The following AOAH variants were observed in gnomAD, a reference collection of about 807,000 sequenced individuals.
AOAH encodes acyloxyacyl hydrolase.
A neutral mutation model predicts 92.2 loss-of-function variants in AOAH; 64 were observed. That is an observed-to-expected ratio of 0.69 (90% CI 0.57 to 0.86). The LOEUF (loss-of-function observed/expected upper bound fraction) is 0.86, where lower values mean the gene tolerates loss of function less well. Among genes scored for constraint, AOAH ranks in the 40% least tolerant of loss-of-function variants. The pLI, the probability that AOAH is intolerant of heterozygous loss-of-function variation, is 0.00. For synonymous variants in AOAH, 263 were observed against 254.5 expected (o/e 1.03, Z -0.32); for missense variants, 656 against 694.6 (o/e 0.94, Z 0.62).
chr7:36,696,290 A>G (rs1261608007), intron 1 of AOAH, among the ~76,000 whole-genome samples: 1 of 152,166 alleles, frequency 6.6e-6, no homozygotes, highest in Non-Finnish European at 1.5e-5. Flanking sequence ...TTTTAGAATC[A>G]GTTTTCCAAT....
At chr7:36,658,685 A>G (rs1376138484) in intron 4 of AOAH, among the ~76,000 whole-genome samples, 2 of 152,198 alleles carry the variant, frequency 1.3e-5, no homozygotes, top group Admixed American at 1.3e-4. Flanking sequence ...GACTTCCCAC[A>G]ATAAACCACT....
intron 2 of AOAH, among the ~76,000 whole-genome samples, chr7:36,675,994 A>G (rs185319792): frequency 9.2e-4 from 140 of 152,360 alleles, no homozygotes; most frequent in African/African-American, 3.2e-3. Context: ...GTTATCTACA[A>G]AAAACCTGAC....
intron 18 of AOAH, among the ~76,000 whole-genome samples, chr7:36,531,343 CTGTT>C (rs1446941088): frequency 1.3e-5 from 2 of 151,960 alleles, no homozygotes; most frequent in East Asian, 1.9e-4. Flanking sequence ...AGTCTTTTGT[CTGTT>C]TGTTCATTTT....
intron 1 of AOAH, among the ~76,000 whole-genome samples, chr7:36,720,013 C>T (rs1799516907): frequency 6.6e-6 from 1 of 151,904 alleles, no homozygotes; most frequent in Admixed American, 6.6e-5. Flanking sequence ...TCACCTTTTG[C>T]TCAGAAAAGT....
At chr7:36,671,444 G>C (rs1432807405) in intron 3 of AOAH, among the ~76,000 whole-genome samples, 1 of 152,122 alleles carries the variant, frequency 6.6e-6, no homozygotes, top group African/African-American at 2.4e-5. Flanking sequence ...CCCTCAAACT[G>C]TTTTCCATCT....
At chr7:36,538,976 C>A (rs1785250693) in intron 16 of AOAH, among the ~76,000 whole-genome samples, 1 of 152,174 alleles carries the variant, frequency 6.6e-6, no homozygotes, top group Admixed American at 6.5e-5. Flanking sequence ...CCTTTGAGAG[C>A]TAGCTAAAGG....
At chr7:36,650,044 G>A (rs977639917) in intron 4 of AOAH, among the ~76,000 whole-genome samples, 8 of 152,142 alleles carry the variant, frequency 5.3e-5, no homozygotes, top group African/African-American at 1.9e-4. Flanking sequence ...AATCCGTGAG[G>A]CCAAGAACCC....
Position 36,592,977 on chromosome 7 carries a change from C to T in AOAH, c.938+1362G>A, listed in dbSNP as rs372919572. On this transcript the variant is annotated intron_variant, in intron 12 of 20. Transcript: ENST00000617537. ...GATTATTTCTATGTAAATATGAGTACGCTTCCCTGAAGGTTAGTTCCCTTC... is the reference window on the plus strand; with the variant it reads ...GATTATTTCTATGTAAATATGAGTATGCTTCCCTGAAGGTTAGTTCCCTTC... Among the ~76,000 whole-genome samples, 11 of 152,010 alleles carry T rather than the reference C, an allele frequency of 7.2e-5. No individual in the cohort carries two copies. The South Asian group carries it at 1.0e-3, about 14-fold the overall frequency.
intron 3 of AOAH, among the ~76,000 whole-genome samples, chr7:36,663,374 G>C (rs1795334358): frequency 1.3e-5 from 2 of 152,030 alleles, no homozygotes; most frequent in African/African-American, 4.8e-5. Context: ...ATACTCTATG[G>C]GTTTGGACAA....
intron 4 of AOAH, among the ~76,000 whole-genome samples, chr7:36,645,453 A>G (rs1373237460): frequency 6.6e-6 from 1 of 152,218 alleles, no homozygotes; most frequent in Non-Finnish European, 1.5e-5. Flanking sequence ...TAACTAAGAC[A>G]GGCAGATCAG....
chr7:36,722,006 C>T (rs1033531649), intron 1 of AOAH, among the ~76,000 whole-genome samples: 1 of 152,130 alleles, frequency 6.6e-6, no homozygotes, highest in South Asian at 2.1e-4. Flanking sequence ...TGATGGCACT[C>T]CCAGATGAGC....
intron 15 of AOAH, among the ~76,000 whole-genome samples, chr7:36,544,254 T>A (rs1284583709): frequency 6.6e-6 from 1 of 152,016 alleles, no homozygotes; most frequent in African/African-American, 2.4e-5. Context: ...CCCCTGAAAA[T>A]TTTTCAATGC....
At chr7:36,673,048 A>T (rs953437130) in intron 3 of AOAH, among the ~76,000 whole-genome samples, 5 of 152,128 alleles carry the variant, frequency 3.3e-5, no homozygotes, top group Non-Finnish European at 7.4e-5. Flanking sequence ...AATAAAGGGG[A>T]GGGACCATAG....
intron 12 of AOAH, among the ~76,000 whole-genome samples, chr7:36,588,469 T>C (rs1323270229): frequency 1.3e-5 from 2 of 152,256 alleles, no homozygotes; most frequent in Admixed American, 1.3e-4. Flanking sequence ...AATTATTTGT[T>C]TTGCAAAGTA....
At chr7:36,573,848 A>G (rs1788311375) in intron 13 of AOAH, among the ~76,000 whole-genome samples, 1 of 152,178 alleles carries the variant, frequency 6.6e-6, no homozygotes. Flanking sequence ...TTACTACCCA[A>G]TTTTTAAGAA....
intron 13 of AOAH, among the ~76,000 whole-genome samples, chr7:36,556,899 C>T (rs1422828083): frequency 1.3e-5 from 2 of 151,346 alleles, no homozygotes; most frequent in South Asian, 4.2e-4. Context: ...AGATGGGTTT[C>T]CTGAATACAG....
chr7:36,717,000 AT>A (rs1799236140), intron 1 of AOAH, among the ~76,000 whole-genome samples: 5 of 151,476 alleles, frequency 3.3e-5, no homozygotes, highest in Admixed American at 6.6e-5. Flanking sequence ...AAATAAATAA[AT>A]AAATAAATAA....
intron 12 of AOAH, among the ~76,000 whole-genome samples, chr7:36,587,509 G>C (rs1202998902): frequency 6.6e-6 from 1 of 152,046 alleles, no homozygotes; most frequent in Admixed American, 6.5e-5. Flanking sequence ...GCATTGGCCT[G>C]TCTTGCACTT....
intron 2 of AOAH, among the ~76,000 whole-genome samples, chr7:36,685,452 TC>T: frequency 6.6e-6 from 1 of 152,300 alleles, no homozygotes; most frequent in East Asian, 1.9e-4. Flanking sequence ...AGGCTATGTT[TC>T]CTAGGGCATT....
Sources: gnomAD v4.1 joint callset for allele counts (sites outside exome capture counted in the v4.1 genomes callset) on GRCh38, gnomAD v4.1.1 for gene constraint, MANE v1.5 for transcripts, NCBI Gene and HGNC (gene_info 2026-07-23, HGNC 2026-07-21) for gene names.